The following FAM107B variants were observed in gnomAD, a reference collection of about 807,000 sequenced individuals.
FAM107B encodes protein FAM107B.
FAM107B carries 21 observed loss-of-function variants against 31.5 expected under a neutral mutation model. The ratio of observed to expected loss-of-function variants is 0.67; its 90% CI spans 0.47 to 0.96. FAM107B has a LOEUF of 0.96. Ranked by LOEUF, FAM107B falls within the 40% of genes least tolerant of loss-of-function variation. The probability of loss-of-function intolerance (pLI) is 0.00; values close to 1 mark genes in which losing one functional copy is unlikely to be tolerated. For missense variants in FAM107B, 452 were observed against 377.1 expected, an observed-to-expected ratio of 1.20 and a Z score of -1.64; for synonymous variants, 157 against 141.5, an observed-to-expected ratio of 1.11 and a Z score of -0.78.
intron 2 of FAM107B, among the ~76,000 whole-genome samples, chr10:14,652,371 G>C (rs576668035): frequency 6.6e-6 from 1 of 152,294 alleles, no homozygotes; most frequent in South Asian, 2.1e-4. Flanking sequence ...TCACTATAGA[G>C]AGAAATTCTC....
intron 2 of FAM107B, among the ~76,000 whole-genome samples, chr10:14,564,285 C>T (rs556824979): frequency 3.3e-5 from 5 of 152,106 alleles, no homozygotes; most frequent in African/African-American, 1.2e-4. Context: ...AAGACTGCTC[C>T]GAGACGTTGA....
intron 2 of FAM107B, among the ~76,000 whole-genome samples, chr10:14,642,203 C>T (rs1044212198): frequency 2.0e-5 from 3 of 152,222 alleles, no homozygotes; most frequent in Non-Finnish European, 4.4e-5. Context: ...TCCTCTTTGG[C>T]TCAATGTCCC....
intron 2 of FAM107B, among the ~76,000 whole-genome samples, chr10:14,538,440 T>G (rs11259167): frequency 0.12 from 18,401 of 152,144 alleles, 1,222 homozygotes; most frequent in Non-Finnish European, 0.16. Context: ...AATACAACGT[T>G]AAGCAAACAA....
At chr10:14,670,532 G>A (rs879698596) in intron 1 of FAM107B, among the ~76,000 whole-genome samples, 5 of 152,144 alleles carry the variant, frequency 3.3e-5, no homozygotes, top group Non-Finnish European at 7.4e-5. Flanking sequence ...CAGCCACAGG[G>A]GAAGTCTCTT....
At chr10:14,522,043 T>C (rs1328011999) in intron 3 of FAM107B, 24 bp from the exon 4 acceptor site, 3 of 1,591,178 alleles carry the variant, frequency 1.9e-6, no homozygotes, top group East Asian at 2.2e-5. Context: ...TTAACAAAAA[T>C]AGAAAACGTT....
At chr10:14,723,803 T>C in intron 1 of FAM107B, 1 of 757,824 alleles carries the variant, frequency 1.3e-6, no homozygotes, top group South Asian at 1.3e-5. Context: ...AGCAGGGCCC[T>C]CTGGCCAGTA....
At chr10:14,601,877 T>C (rs1852409680) in intron 2 of FAM107B, among the ~76,000 whole-genome samples, 1 of 152,210 alleles carries the variant, frequency 6.6e-6, no homozygotes, top group African/African-American at 2.4e-5. Context: ...CTTTTCCACC[T>C]TTACTTGTGA....
At chr10:14,645,661 T>C (rs1410081) in intron 2 of FAM107B, among the ~76,000 whole-genome samples, 151,479 of 152,336 alleles carry the variant, frequency 0.99, 75,315 homozygotes, top group East Asian at 1. Flanking sequence ...TTCCTTTCTC[T>C]TTTACAAGTG....
chr10:14,543,717 C>T (rs1483450249), intron 2 of FAM107B, among the ~76,000 whole-genome samples: 1 of 140,360 alleles, frequency 7.1e-6, no homozygotes, highest in African/African-American at 2.6e-5. Flanking sequence ...AAACCAAAAA[C>T]TCTCATATGG....
chr10:14,728,628 C>T (rs1314842620), intron 1 of FAM107B, among the ~76,000 whole-genome samples: 5 of 152,126 alleles, frequency 3.3e-5, no homozygotes, highest in Non-Finnish European at 5.9e-5. Flanking sequence ...TTCCCTCTTA[C>T]CGCATGGTGA....
At chr10:14,751,310 T>C (rs1347251697) in intron 1 of FAM107B, among the ~76,000 whole-genome samples, 2 of 152,162 alleles carry the variant, frequency 1.3e-5, no homozygotes, top group African/African-American at 2.4e-5. Flanking sequence ...CAATTTCTCA[T>C]ACACAGCCCT....
chr10:14,759,217 T>A (rs1832992918), intron 1 of FAM107B, among the ~76,000 whole-genome samples: 2 of 151,100 alleles, frequency 1.3e-5, no homozygotes, highest in South Asian at 4.2e-4. Flanking sequence ...AATAAATAAA[T>A]AAATAAAAAG....
At chr10:14,601,082 C>A (rs533633735) in intron 2 of FAM107B, among the ~76,000 whole-genome samples, 20 of 152,322 alleles carry the variant, frequency 1.3e-4, no homozygotes, top group African/African-American at 4.3e-4. Context: ...CTTTAAATAT[C>A]CTCCTCACCT....
intron 3 of FAM107B, among the ~76,000 whole-genome samples, chr10:14,523,953 G>A (rs1051906513): frequency 6.9e-6 from 1 of 145,336 alleles, no homozygotes; most frequent in Non-Finnish European, 1.5e-5. Flanking sequence ...TGAAACCTCT[G>A]CCTCCTGGGC....
chr10:14,721,359 CCAG>C (rs1855908940), intron 1 of FAM107B, among the ~76,000 whole-genome samples: 1 of 152,040 alleles, frequency 6.6e-6, no homozygotes, highest in African/African-American at 2.4e-5. Context: ...GGGTATATAC[CCAG>C]TAATGGGATG....
intron 1 of FAM107B, among the ~76,000 whole-genome samples, chr10:14,707,057 C>T (rs1588719020): frequency 2.0e-5 from 3 of 152,002 alleles, no homozygotes; most frequent in Admixed American, 6.6e-5. Flanking sequence ...CCCGGGAAGG[C>T]GGAGGTTGCA....
At chr10:14,731,319 T>C (rs114428107) in intron 1 of FAM107B, among the ~76,000 whole-genome samples, 1,817 of 152,198 alleles carry the variant, frequency 0.012, 28 homozygotes, top group African/African-American at 0.04. Flanking sequence ...CCCAGCAGTA[T>C]GGGGGGCCGA....
chr10:14,604,611 G>A (rs1852537392), intron 2 of FAM107B, among the ~76,000 whole-genome samples: 1 of 151,892 alleles, frequency 6.6e-6, no homozygotes, highest in South Asian at 2.1e-4. Flanking sequence ...CCGGGACTCG[G>A]TGGGAGCGAG....
At chr10:14,703,327 CTTTT>C (rs532320563) in intron 1 of FAM107B, among the ~76,000 whole-genome samples, 110 of 138,852 alleles carry the variant, frequency 7.9e-4, no homozygotes, top group Middle Eastern at 3.8e-3. Context: ...CCTTCTTCTT[CTTTT>C]TTTTTTTTTT....
Sources: allele counts gnomAD v4.1 joint callset (sites outside exome capture counted in the v4.1 genomes callset), GRCh38; gene constraint gnomAD v4.1.1; transcripts MANE v1.5; gene names NCBI Gene and HGNC (gene_info 2026-07-23, HGNC 2026-07-21).